NFATC1: variants seen among roughly 807,000 people sequenced by gnomAD.
The protein encoded by NFATC1 is nuclear factor of activated T-cells, cytoplasmic 1.
NFATC1 carries 22 observed loss-of-function variants against 76.0 expected under a neutral mutation model. The observed-to-expected ratio is 0.29, with a 90% CI of 0.21 to 0.41. The LOEUF is 0.41. NFATC1 is among the 10% of genes least tolerant of loss of function. NFATC1 has a pLI of 1.00. For missense variants in NFATC1, 1,357 were observed against 1,337.7 expected (o/e 1.01, Z -0.23); for synonymous variants, 704 against 613.1 (o/e 1.15, Z -2.19).
chr18:79,513,317 G>A (rs2090304676), intron 9 of NFATC1, among the ~76,000 whole-genome samples: 2 of 152,114 alleles, frequency 1.3e-5, no homozygotes, highest in South Asian at 2.1e-4. Context: ...TGGCCTCCGC[G>A]GCCAGGGCGT....
rs770946518 is a variant in NFATC1, at chr18:79,410,871, C to G, written c.596C>G (p.Ser199Cys). ...TCCAACTACTCGTACCCGTACGCGT[C>G]CCCCCAGACGTCGCCATGGCAGTCT... ...YESNYSYPYASPQTSPWQSPC... is the reference protein window; with the variant it reads ...YESNYSYPYACPQTSPWQSPC... The change falls in exon 2 of 10, where the codon TCC becomes TGC. Residue 199 changes from serine (S) to cysteine (C), a missense_variant. This residue lies in a region of NFATC1 where 691 missense variants were observed against 613.1 expected (regional missense o/e 1.13). Coordinates refer to ENST00000427363, the MANE Select transcript of NFATC1 (RefSeq NM_001278669.2). This position sits in a 1 kb window ranked among gnomAD's most constrained non-coding sequence, Gnocchi z 6.7. 6.2e-7 allele frequency: 1 copy of G among 1,608,836 alleles called. No homozygotes were observed.
intron 3 of NFATC1, among the ~76,000 whole-genome samples, chr18:79,439,055 A>G (rs190532403): frequency 2.0e-5 from 3 of 152,304 alleles, no homozygotes; most frequent in African/African-American, 7.2e-5. Context: ...TTCAGCTGGC[A>G]GGGGCTCGGG....
Position 79,410,770 on chromosome 18 carries a change from C to T in NFATC1, c.495C>T (p.Tyr165=), listed in dbSNP as rs1287179853. ...ATLSLPSLEA[Y]RDPSCLSPAS... ...TGAGTCTGCCCAGCCTGGAGGCCTACAGAGACCCCTCGTGCCTGAGCCCGG... is the reference window on the plus strand; with the variant it reads ...TGAGTCTGCCCAGCCTGGAGGCCTATAGAGACCCCTCGTGCCTGAGCCCGG... Residue 165 remains tyrosine, a synonymous_variant, in exon 2 of 10, where the codon TAC becomes TAT. Transcript: ENST00000427363. This position sits in a 1 kb window ranked among gnomAD's most constrained non-coding sequence, Gnocchi z 6.7. The T allele has an allele frequency of 1.2e-6, 2 of 1,613,012 alleles. No homozygotes were observed. Among genetic ancestry groups the T allele is most frequent in the East Asian group, 4.5e-5 (2 of 44,876 alleles).
intron 3 of NFATC1, among the ~76,000 whole-genome samples, chr18:79,437,152 A>G (rs1650096096): frequency 6.6e-6 from 1 of 152,156 alleles, no homozygotes; most frequent in South Asian, 2.1e-4. Context: ...GACCTCGGCC[A>G]TGGTGATGGG....
intron 8 of NFATC1, among the ~76,000 whole-genome samples, chr18:79,484,431 A>G (rs918017661): frequency 6.6e-6 from 1 of 151,502 alleles, no homozygotes; most frequent in African/African-American, 2.4e-5. Flanking sequence ...CTGGTCACCC[A>G]CCCCCTCTAA....
chr18:79,477,683 G>A (rs1244951250), intron 8 of NFATC1, among the ~76,000 whole-genome samples: 4 of 152,208 alleles, frequency 2.6e-5, no homozygotes, highest in Non-Finnish European at 5.9e-5. Flanking sequence ...AGTCTTTGGG[G>A]CTTCCATAGT....
chr18:79,428,497 G>A lies in NFATC1; in HGVS notation c.1227-5082G>A, dbSNP rs374337487. On this transcript the variant is annotated intron_variant, in intron 2 of 9. Coordinates refer to ENST00000427363, the MANE Select transcript of NFATC1 (RefSeq NM_001278669.2). Reference sequence around the variant, plus strand: ...TCACGCCTCTGACCAGTGGTTCTGCGCTCAGGGCATGACCGGAGATGTGGT... The same window carrying A: ...TCACGCCTCTGACCAGTGGTTCTGCACTCAGGGCATGACCGGAGATGTGGT... 5.9e-5 allele frequency among the ~76,000 whole-genome samples: 9 copies of A among 152,312 alleles called. No homozygotes were observed. In the East Asian group the frequency reaches 1.2e-3, roughly 20 times the overall value.
At chr18:79,419,360 C>T (rs115663004) in intron 2 of NFATC1, among the ~76,000 whole-genome samples, 2,525 of 152,234 alleles carry the variant, frequency 0.017, 76 homozygotes, top group African/African-American at 0.056. Flanking sequence ...CCCATCTCAC[C>T]GAAGACCGAG....
At chr18:79,411,786 G>A (rs1047736529) in intron 2 of NFATC1, among the ~76,000 whole-genome samples, 1 of 152,194 alleles carries the variant, frequency 6.6e-6, no homozygotes, top group Non-Finnish European at 1.5e-5. Context: ...CCTCGTGTTC[G>A]CTCAGTCTCT....
intron 2 of NFATC1, among the ~76,000 whole-genome samples, chr18:79,429,220 C>CAA (rs397858514): frequency 1.2e-4 from 12 of 96,538 alleles, no homozygotes; most frequent in Admixed American, 3.4e-4. Flanking sequence ...GACTCCGTCT[C>CAA]AAAAAAAAAA....
chr18:79,461,445 G>C (rs528971002), intron 7 of NFATC1, 79 bp downstream of exon 7: 1 of 1,482,168 alleles, frequency 6.7e-7, no homozygotes, highest in African/African-American at 1.4e-5. Flanking sequence ...GCCACTGCGG[G>C]TCCCCAGGCC....
intron 8 of NFATC1, among the ~76,000 whole-genome samples, chr18:79,473,383 C>CAA (rs1416900583): frequency 6.6e-6 from 1 of 152,166 alleles, no homozygotes; most frequent in Non-Finnish European, 1.5e-5. Context: ...CGCTTACTGT[C>CAA]AACGTTGCGA....
chr18:79,478,759 G>A (rs1426256420), intron 8 of NFATC1, among the ~76,000 whole-genome samples: 2 of 152,204 alleles, frequency 1.3e-5, no homozygotes, highest in African/African-American at 2.4e-5. Flanking sequence ...TGGGGCGGAA[G>A]CCCCCCTCCA....
intron 1 of NFATC1, among the ~76,000 whole-genome samples, chr18:79,402,787 T>C (rs561633508): frequency 6.6e-6 from 1 of 152,374 alleles, no homozygotes; most frequent in East Asian, 1.9e-4. Context: ...CCATTATTAC[T>C]GCATTTTGAT....
chr18:79,515,945 G>A (rs1230933281), intron 9 of NFATC1: 1 of 151,668 alleles, frequency 6.6e-6, no homozygotes, highest in African/African-American at 2.4e-5. Flanking sequence ...TGACTGGAAT[G>A]GCAGTTTGGT....
At chr18:79,407,221 C>T (rs1183390127) in intron 1 of NFATC1, among the ~76,000 whole-genome samples, 1 of 152,202 alleles carries the variant, frequency 6.6e-6, no homozygotes. Context: ...TTGCCTGAAG[C>T]ATCCAGTGAG....
intron 3 of NFATC1, among the ~76,000 whole-genome samples, chr18:79,443,204 C>T (rs1265116231): frequency 2.0e-5 from 3 of 152,304 alleles, no homozygotes; most frequent in East Asian, 1.9e-4. Context: ...ACTGTGTTCA[C>T]GGGAAGGATT....
intron 3 of NFATC1, among the ~76,000 whole-genome samples, chr18:79,448,037 C>T (rs527247745): frequency 6.6e-6 from 1 of 152,292 alleles, no homozygotes; most frequent in African/African-American, 2.4e-5. Flanking sequence ...GCGGAAGCAC[C>T]GGGGCTGCTC....
At chr18:79,450,352 G>A (rs752412982) in intron 4 of NFATC1, among the ~76,000 whole-genome samples, 4 of 150,456 alleles carry the variant, frequency 2.7e-5, no homozygotes, top group Non-Finnish European at 5.9e-5. Context: ...AAAAATGAGG[G>A]CTTTTAAATA....
Sources: gnomAD v4.1 joint callset for allele counts (sites outside exome capture counted in the v4.1 genomes callset) on GRCh38, gnomAD v4.1.1 for gene constraint, gnomAD v4.1.1 regional missense constraint, Gnocchi (gnomAD v3.1) non-coding constraint, MANE v1.5 for transcripts, NCBI Gene and HGNC (gene_info 2026-07-23, HGNC 2026-07-21) for gene names.